The following TTBK2 variants were observed in gnomAD, a reference collection of about 807,000 sequenced individuals.
TTBK2 encodes the protein tau tubulin kinase 2, also known as tau-tubulin kinase 2.
A neutral mutation model predicts 110.8 loss-of-function variants in TTBK2; 28 were observed. That is an observed-to-expected ratio of 0.25 (90% CI 0.19 to 0.35). TTBK2 has a LOEUF of 0.35. Ranked by LOEUF, TTBK2 falls within the 10% of genes least tolerant of loss-of-function variation. The pLI, the probability that TTBK2 is intolerant of heterozygous loss-of-function variation, is 1.00. For synonymous variants in TTBK2, 532 were observed against 527.3 expected (o/e 1.01, Z -0.12); for missense variants, 1,369 against 1,500.3 (o/e 0.91, Z 1.45).
At chr15:42,854,662 C>A (rs1403008799) in intron 3 of TTBK2, among the ~76,000 whole-genome samples, 4 of 149,930 alleles carry the variant, frequency 2.7e-5, no homozygotes, top group Admixed American at 6.6e-5. Context: ...AAAAAAAAAA[C>A]CTCAAATCCT....
intron 4 of TTBK2, among the ~76,000 whole-genome samples, chr15:42,832,450 T>C (rs1431222374): frequency 2.0e-5 from 3 of 152,236 alleles, no homozygotes; most frequent in African/African-American, 7.2e-5. Context: ...GGTAAAGTGT[T>C]ATTAACATGG....
chr15:42,886,030 A>T (rs1895230625), intron 1 of TTBK2, among the ~76,000 whole-genome samples: 1 of 152,132 alleles, frequency 6.6e-6, no homozygotes, highest in Non-Finnish European at 1.5e-5. Context: ...ACGTCCAGGC[A>T]ATCTTTTACA....
At chr15:42,835,468 G>A (rs1412080582) in intron 4 of TTBK2, among the ~76,000 whole-genome samples, 1 of 152,144 alleles carries the variant, frequency 6.6e-6, no homozygotes, top group Non-Finnish European at 1.5e-5. Context: ...ATGGTAATGT[G>A]TGCATGTCAA....
intron 13 of TTBK2, among the ~76,000 whole-genome samples, chr15:42,756,089 C>T (rs146210444): frequency 0.017 from 2,565 of 151,598 alleles, 77 homozygotes; most frequent in African/African-American, 0.057. Flanking sequence ...CCCAGCTTCT[C>T]GGGAAGCTGA....
At chr15:42,845,209 C>T (rs896293595) in intron 3 of TTBK2, among the ~76,000 whole-genome samples, 6 of 152,010 alleles carry the variant, frequency 3.9e-5, no homozygotes, top group African/African-American at 9.7e-5. Flanking sequence ...GGACTTGATA[C>T]GAGTTAAGGT....
intron 13 of TTBK2, among the ~76,000 whole-genome samples, chr15:42,763,632 T>G (rs1889210323): frequency 1.3e-5 from 2 of 152,118 alleles, no homozygotes; most frequent in African/African-American, 4.8e-5. Context: ...CACTATACAT[T>G]GTATGTGTCA....
chr15:42,835,699 T>C (rs544549717), intron 4 of TTBK2, among the ~76,000 whole-genome samples: 2 of 152,276 alleles, frequency 1.3e-5, no homozygotes, highest in South Asian at 4.1e-4. Flanking sequence ...ATTTGTGTTA[T>C]TATTAAGGAA....
chr15:42,820,069 T>C (rs1049864900), intron 6 of TTBK2, among the ~76,000 whole-genome samples: 1 of 152,160 alleles, frequency 6.6e-6, no homozygotes. Flanking sequence ...ACTTCTGCCA[T>C]AGAAAGACTG....
intron 1 of TTBK2, among the ~76,000 whole-genome samples, chr15:42,884,786 C>T (rs1400907065): frequency 6.6e-6 from 1 of 152,200 alleles, no homozygotes; most frequent in Non-Finnish European, 1.5e-5. Flanking sequence ...CAAGCTAAGC[C>T]ATCATATCCC....
intron 13 of TTBK2, among the ~76,000 whole-genome samples, chr15:42,761,581 GC>G (rs1175237953): frequency 7.6e-6 from 1 of 132,094 alleles, no homozygotes; most frequent in East Asian, 2.1e-4. Context: ...CATCTCAACA[GC>G]CAAAAAAAAA....
At chr15:42,838,165 G>A (rs1394818882) in intron 4 of TTBK2, among the ~76,000 whole-genome samples, 5 of 151,884 alleles carry the variant, frequency 3.3e-5, no homozygotes, top group African/African-American at 9.7e-5. Flanking sequence ...CCGAGATCGC[G>A]CCATTGCACT....
intron 10 of TTBK2, among the ~76,000 whole-genome samples, chr15:42,786,844 G>C (rs1890433050): frequency 6.6e-6 from 1 of 150,938 alleles, no homozygotes; most frequent in Non-Finnish European, 1.5e-5. Context: ...TCCAAATCTT[G>C]AGTATGCAAT....
intron 9 of TTBK2, among the ~76,000 whole-genome samples, chr15:42,796,900 T>G (rs1243934870): frequency 6.6e-6 from 1 of 152,196 alleles, no homozygotes; most frequent in Non-Finnish European, 1.5e-5. Flanking sequence ...AAAAAGAAAC[T>G]AAAAAGATAA....
At chr15:42,800,344 T>C (rs778444076) in intron 9 of TTBK2, 8 of 418,372 alleles carry the variant, frequency 1.9e-5, no homozygotes, top group East Asian at 7.4e-5. Context: ...TTATTCTTTA[T>C]GGCAATCAGT....
At position 42,752,125 on chromosome 15, in the gene TTBK2, G is replaced by A; in HGVS notation, c.3121C>T (p.Leu1041=). Residue 1041 remains leucine (L), a synonymous_variant, in exon 14 of 15, where the codon CTG becomes TTG. Transcript: ENST00000267890. Reference sequence around the variant, plus strand: ...CTAGACTGGGAGATGATGGGTGACAGAAAGCTATCTTCAGCTGACCTACTC... The same window carrying A: ...CTAGACTGGGAGATGATGGGTGACAAAAAGCTATCTTCAGCTGACCTACTC... ...HLSRSAEDSF[L]SPIISQSRKS... 1 of 1,614,222 alleles carries A rather than the reference G, an allele frequency of 6.2e-7. No individual in the cohort carries two copies. The highest frequency in any genetic ancestry group is 8.5e-7 in the Non-Finnish European group (1 of 1,180,048).
intron 11 of TTBK2, among the ~76,000 whole-genome samples, chr15:42,780,042 A>C (rs1413673805): frequency 4.3e-4 from 65 of 151,274 alleles, no homozygotes; most frequent in Admixed American, 4.1e-3. Context: ...TGTCTGTTTG[A>C]GACAGAGTCT....
chr15:42,879,466 T>C (rs972481809), intron 1 of TTBK2, among the ~76,000 whole-genome samples: 1 of 152,202 alleles, frequency 6.6e-6, no homozygotes, highest in African/African-American at 2.4e-5. Flanking sequence ...ATGGATTCTT[T>C]ATAGCAGGAG....
chr15:42,779,517 A>C (rs914999082), intron 11 of TTBK2, among the ~76,000 whole-genome samples: 14 of 152,208 alleles, frequency 9.2e-5, no homozygotes, highest in Non-Finnish European at 2.1e-4. Context: ...ATAGATAAGA[A>C]AATACATTTA....
intron 13 of TTBK2, among the ~76,000 whole-genome samples, chr15:42,770,858 A>C (rs1889638203): frequency 6.6e-6 from 1 of 152,050 alleles, no homozygotes; most frequent in Non-Finnish European, 1.5e-5. Context: ...GTGTCAGTGG[A>C]GGCTCTGAAT....
Sources: gnomAD v4.1 joint callset for allele counts (sites outside exome capture counted in the v4.1 genomes callset) on GRCh38, gnomAD v4.1.1 for gene constraint, MANE v1.5 for transcripts, NCBI Gene and HGNC (gene_info 2026-07-23, HGNC 2026-07-21) for gene names.